HECTD4: variants seen among roughly 807,000 people sequenced by gnomAD.
HECTD4 encodes the protein probable E3 ubiquitin-protein ligase HECTD4.
Under a neutral mutation model 471.5 loss-of-function variants are expected in HECTD4, and 114 were observed. The observed-to-expected ratio is 0.24, with a 90% CI of 0.21 to 0.28. The LOEUF (loss-of-function observed/expected upper bound fraction) is 0.28, where lower values mean the gene tolerates loss of function less well. HECTD4 is among the 10% of genes least tolerant of loss of function. The pLI is 1.00. For missense variants in HECTD4, 3,866 were observed against 5,651.5 expected, an observed-to-expected ratio of 0.68 and a Z score of 10.13; for synonymous variants, 2,012 against 2,256.0, an observed-to-expected ratio of 0.89 and a Z score of 3.07.
chr12:112,197,770 C>A (rs2032290289), intron 55 of HECTD4, among the ~76,000 whole-genome samples: 1 of 152,178 alleles, frequency 6.6e-6, no homozygotes. Flanking sequence ...AAAAAAATGA[C>A]CAAAAGACTT....
Position 112,319,309 on chromosome 12 carries a change from T to A in HECTD4, c.611A>T (p.Glu204Val). 1 of 1,536,148 alleles carries A rather than the reference T, an allele frequency of 6.5e-7. No individual in the cohort carries two copies. The highest frequency in any genetic ancestry group is 8.7e-7 in the Non-Finnish European group (1 of 1,146,906). Reference sequence around the variant, plus strand: ...GTGTCGGCCTGTGTCAGAAGTCTCCTCTAGCCAAGAGCACAGCAAAGTTTC... The same window carrying A: ...GTGTCGGCCTGTGTCAGAAGTCTCCACTAGCCAAGAGCACAGCAAAGTTTC... ...GIETLLCSWL[E>V]ETSDTGRHIP... The change falls in exon 2 of 76, where the codon GAG (glutamate) becomes GTG (valine). Residue 204 changes from glutamate (E) to valine (V), a missense_variant. Physicochemically the swap from Glu to Val is moderately radical, Grantham distance 121. Transcript: ENST00000682272. This position sits in a 1 kb window ranked among gnomAD's most constrained non-coding sequence, Gnocchi z 5.3.
At chr12:112,326,892 A>C (rs1231886736) in intron 1 of HECTD4, among the ~76,000 whole-genome samples, 1 of 152,216 alleles carries the variant, frequency 6.6e-6, no homozygotes, top group Non-Finnish European at 1.5e-5. Flanking sequence ...TATATATTTG[A>C]GCATATTTCT....
chr12:112,218,149 C>T (rs2032981515), intron 45 of HECTD4, among the ~76,000 whole-genome samples: 1 of 147,882 alleles, frequency 6.8e-6, no homozygotes, highest in Non-Finnish European at 1.5e-5. Context: ...CAGAGTGAGA[C>T]TCCATTTCAA....
At chr12:112,286,511 T>C (rs111551722) in intron 7 of HECTD4, among the ~76,000 whole-genome samples, 1 of 151,898 alleles carries the variant, frequency 6.6e-6, no homozygotes, top group Admixed American at 6.6e-5. Flanking sequence ...CCAACCTGTC[T>C]CAAACACACA....
At chr12:112,358,177 C>T (rs1187286672) in intron 1 of HECTD4, among the ~76,000 whole-genome samples, 1 of 152,028 alleles carries the variant, frequency 6.6e-6, no homozygotes, top group East Asian at 1.9e-4. Flanking sequence ...GCACTTCAGC[C>T]TGGTGATAGA....
chr12:112,243,275 T>C lies in HECTD4; in HGVS notation c.4958+78A>G. ...ACATTAGCAAATACTACCGCCTATG[T>C]TTGGGTCCCAAGAATAATCTTTTGA... On this transcript the variant is annotated intron_variant, in intron 32 of 75. Coordinates refer to ENST00000682272, the MANE Select transcript of HECTD4 (RefSeq NM_001388303.1). The surrounding 1 kb of genome is among the most constrained non-coding windows in gnomAD (Gnocchi z 6.6). The C allele has an allele frequency of 7.7e-7, 1 of 1,301,518 alleles. No individual in the cohort carries two copies. Among genetic ancestry groups the C allele is most frequent in the Non-Finnish European group, 1.1e-6 (1 of 940,180 alleles). The allele number at this position is 1,301,518 out of a possible 1,614,324, so 80.6% of individuals were successfully genotyped here.
At chr12:112,324,029 C>CTTT (rs2035670292) in intron 1 of HECTD4, among the ~76,000 whole-genome samples, 16 of 26,324 alleles carry the variant, frequency 6.1e-4, no homozygotes, top group Non-Finnish European at 7.9e-4. Flanking sequence ...TTCCTTCCTT[C>CTTT]CTTCCTTCCT....
chr12:112,276,925 T>C (rs567602402), intron 9 of HECTD4, among the ~76,000 whole-genome samples: 2 of 151,750 alleles, frequency 1.3e-5, no homozygotes, highest in East Asian at 1.9e-4. Context: ...ATCAGAAAAA[T>C]GGAAAATAAC....
chr12:112,337,454 C>T (rs2035978757), intron 1 of HECTD4, among the ~76,000 whole-genome samples: 1 of 152,132 alleles, frequency 6.6e-6, no homozygotes, highest in Non-Finnish European at 1.5e-5. Flanking sequence ...AAAACTCTTA[C>T]CAATCTATGT....
intron 11 of HECTD4, among the ~76,000 whole-genome samples, chr12:112,272,176 T>C (rs1680727127): frequency 6.6e-6 from 1 of 152,130 alleles, no homozygotes. Flanking sequence ...GCCTCCCAAG[T>C]AGCTGAGACT....
chr12:112,312,167 A>G (rs1274277919), intron 4 of HECTD4, among the ~76,000 whole-genome samples: 1 of 152,140 alleles, frequency 6.6e-6, no homozygotes, highest in Admixed American at 6.5e-5. Context: ...TTTCTTAGAG[A>G]CTCACTTCGT....
rs796889294 is a variant in HECTD4, at chr12:112,327,643, C to CA, written c.178-7902dup. Among the ~76,000 whole-genome samples, 3 of 151,646 alleles carry CA rather than the reference C, an allele frequency of 2.0e-5. No homozygotes were observed. The South Asian group carries it at 6.3e-4, about 32-fold the overall frequency. ...CTTAGAACATCTGAGTTTCCAAAGA[C>CA]AAAAAAAAGAAAAGCAGTCATAACT... On this transcript the variant is annotated intron_variant, in intron 1 of 75. Coordinates refer to ENST00000682272, the MANE Select transcript of HECTD4 (RefSeq NM_001388303.1).
rs57209316 is a variant in HECTD4, at chr12:112,189,550, C to CAAAAAAAAAAA, written c.9472+1225_9472+1235dup. Among the ~76,000 whole-genome samples the CAAAAAAAAAAA allele has an allele frequency of 3.2e-3, 97 of 30,448 alleles. 2 individuals are homozygous for CAAAAAAAAAAA. The highest frequency in any genetic ancestry group is 7.1e-3 in the African/African-American group (63 of 8,890). 20.0% of individuals were successfully genotyped at this position (30,448 alleles called of 152,430 possible). A position where few individuals can be genotyped will look rare whatever the true frequency, so the allele number is the denominator to read the frequency against. ...TGGGCGACAGAGCGAGACTCCGTCT[C>CAAAAAAAAAAA]AAAAAAAAAAAAAAAAAAAAAAAAA... On this transcript the variant is annotated intron_variant, in intron 60 of 75. Coordinates refer to ENST00000682272, the MANE Select transcript of HECTD4 (RefSeq NM_001388303.1).
At chr12:112,364,612 C>G (rs1165306134) in intron 1 of HECTD4, among the ~76,000 whole-genome samples, 1 of 151,872 alleles carries the variant, frequency 6.6e-6, no homozygotes, top group Non-Finnish European at 1.5e-5. Context: ...GCCTGTAGCC[C>G]CAGCTACTCT....
At position 112,184,712 on chromosome 12, in the gene HECTD4, G is replaced by C; in HGVS notation, c.10254C>G (p.Arg3418=). The change falls in exon 61 of 76, where the codon CGC becomes CGG. Residue 3418 remains arginine (R), a synonymous_variant. Transcript: ENST00000682272. This position sits in a 1 kb window ranked among gnomAD's most constrained non-coding sequence, Gnocchi z 9.1. The stretch of plus-strand genomic sequence containing the variant: ...CCCCGCCGTGGGCGTTGCAGGCCTT[G>C]CGGATGGCGCCTCTGACTACGCCCT... ...LDEGVVRGAI[R]KACNAHGGVF... is the part of the protein sequence containing the mutation. 6.2e-7 allele frequency: 1 copy of C among 1,613,370 alleles called. No homozygotes were observed.
intron 1 of HECTD4, among the ~76,000 whole-genome samples, chr12:112,361,982 T>G (rs1484939030): frequency 1.3e-5 from 2 of 152,180 alleles, no homozygotes; most frequent in African/African-American, 4.8e-5. Flanking sequence ...ATAGAACTAC[T>G]TGGAGAAAGA....
At chr12:112,207,158 T>G (rs200314853) in intron 52 of HECTD4, among the ~76,000 whole-genome samples, 1 of 138,452 alleles carries the variant, frequency 7.2e-6, no homozygotes. Flanking sequence ...ATGTATGTAT[T>G]TGAGACAGAC....
At chr12:112,217,766 C>G (rs2032966946) in intron 45 of HECTD4, among the ~76,000 whole-genome samples, 1 of 152,168 alleles carries the variant, frequency 6.6e-6, no homozygotes, top group South Asian at 2.1e-4. Flanking sequence ...GGTCCCCATC[C>G]TCTTATAGCC....
chr12:112,281,357 G>A (rs7966127), intron 8 of HECTD4, among the ~76,000 whole-genome samples: 3 of 151,788 alleles, frequency 2.0e-5, no homozygotes, highest in Non-Finnish European at 4.4e-5. Context: ...CTGCCAAAGC[G>A]TGCACATTTC....
Sources: gnomAD v4.1 joint callset for allele counts (sites outside exome capture counted in the v4.1 genomes callset) on GRCh38, gnomAD v4.1.1 for gene constraint, Gnocchi (gnomAD v3.1) non-coding constraint, MANE v1.5 for transcripts, NCBI Gene and HGNC (gene_info 2026-07-23, HGNC 2026-07-21) for gene names.